Variants in HERC1 observed in about 807,000 individuals in gnomAD.
The protein encoded by HERC1 is HECT and RLD domain containing E3 ubiquitin protein ligase family member 1, also known as probable E3 ubiquitin-protein ligase HERC1.
In HERC1, 160 loss-of-function variants were observed where a neutral mutation model predicts 554.3. The ratio of observed to expected loss-of-function variants is 0.29; its 90% CI spans 0.25 to 0.33. The LOEUF is 0.33. Among genes scored for constraint, HERC1 ranks in the 10% least tolerant of loss-of-function variants. HERC1 has a pLI of 1.00. For synonymous variants in HERC1, 2,175 were observed against 2,131.7 expected (o/e 1.02, Z -0.56); for missense variants, 4,919 against 5,918.5 (o/e 0.83, Z 5.54).
chr15:63,638,385 T>G (rs777841344), intron 63 of HERC1, 26 bp downstream of exon 63: 2 of 1,603,022 alleles, frequency 1.2e-6, no homozygotes, highest in Non-Finnish European at 1.7e-6. Context: ...CCATGTTTCT[T>G]TTCTATTTTT....
rs114042446 is a variant in HERC1 at position 63,650,471 on chromosome 15, A to G, written c.10547-546T>C. ...CTGTGTTGCCCAGGTTGGAGTGAGT[A>G]CAATGGCATGATCATGGCTCACTGA... On this transcript the variant is annotated intron_variant, in intron 53 of 77. Transcript: ENST00000443617. Among the ~76,000 whole-genome samples, 709 of 151,554 alleles carry G rather than the reference A, an allele frequency of 4.7e-3. 10 individuals are homozygous for G. The highest frequency in any genetic ancestry group is 0.017 in the African/African-American group (681 of 41,212).
At position 63,749,303 on chromosome 15, in the gene HERC1, T is replaced by C. The variant is rs145286544; in HGVS notation, c.2219+64A>G. Reference sequence around the variant, plus strand: ...ACAATTATTTCTGTTTTTATTAGTGTTTCTACTTTTTATTGGTGTTTATGT... The same window carrying C: ...ACAATTATTTCTGTTTTTATTAGTGCTTCTACTTTTTATTGGTGTTTATGT... On this transcript the variant is annotated intron_variant, in intron 10 of 77. Transcript: ENST00000443617. The surrounding 1 kb of genome is among the most constrained non-coding windows in gnomAD (Gnocchi z 4.1). 3.6e-4 allele frequency: 448 copies of C among 1,241,364 alleles called. No homozygotes were observed. In the African/African-American group the frequency reaches 6.1e-3, roughly 17 times the overall value. 76.9% of individuals were successfully genotyped at this position (1,241,364 alleles called of 1,614,324 possible).
chr15:63,652,822 T>TC (rs2069770643), intron 51 of HERC1, among the ~76,000 whole-genome samples: 1 of 152,116 alleles, frequency 6.6e-6, no homozygotes, highest in Non-Finnish European at 1.5e-5. Flanking sequence ...GGATAATTTT[T>TC]GTATTTTTAG....
chr15:63,809,627 C>A (rs1464215830), intron 1 of HERC1, among the ~76,000 whole-genome samples: 1 of 151,968 alleles, frequency 6.6e-6, no homozygotes, highest in Non-Finnish European at 1.5e-5. Context: ...AAAAGAGGAA[C>A]AATATATTGA....
intron 37 of HERC1, among the ~76,000 whole-genome samples, chr15:63,675,739 T>C (rs1213957464): frequency 6.6e-6 from 1 of 152,192 alleles, no homozygotes; most frequent in East Asian, 1.9e-4. Context: ...TCCTGAAGTT[T>C]AAGAATGATA....
chr15:63,749,359 A>C lies in HERC1; in HGVS notation c.2219+8T>G, dbSNP rs570865770. ...CACACAAGAATTTTTAAACATAGGC[A>C]CTCTTACCTGTCCCTAGGAAGAGCA... On this transcript the variant is annotated splice_region_variant and intron_variant, in intron 10 of 77. Coordinates refer to ENST00000443617, the MANE Select transcript of HERC1 (RefSeq NM_003922.4). The surrounding 1 kb of genome is among the most constrained non-coding windows in gnomAD (Gnocchi z 4.1). 4 of 1,574,504 alleles carry C rather than the reference A, an allele frequency of 2.5e-6. No individual in the cohort carries two copies. The African/African-American group carries it at 5.5e-5, about 22-fold the overall frequency.
chr15:63,726,281 C>T (rs913984067), intron 17 of HERC1, among the ~76,000 whole-genome samples: 5 of 152,168 alleles, frequency 3.3e-5, no homozygotes, highest in African/African-American at 9.7e-5. Flanking sequence ...CATGCCGGGC[C>T]CAGATCCATG....
At chr15:63,806,396 C>G (rs1251374532) in intron 1 of HERC1, among the ~76,000 whole-genome samples, 1 of 152,200 alleles carries the variant, frequency 6.6e-6, no homozygotes, top group Non-Finnish European at 1.5e-5. Context: ...TCACCCTACG[C>G]TCACCAACAC....
chr15:63,689,462 A>C (rs2071979118), intron 33 of HERC1, 127 bp downstream of exon 33: 6 of 585,672 alleles, frequency 1.0e-5, no homozygotes, highest in Non-Finnish European at 1.8e-5. Flanking sequence ...AAAGGGAGAC[A>C]GAATGCCAAG....
At position 63,612,551 on chromosome 15, in the gene HERC1, A is replaced by G. The variant is rs774921258; in HGVS notation, c.14100T>C (p.Ala4700=). The G allele has an allele frequency of 2.4e-5, 39 of 1,612,588 alleles. No individual in the cohort carries two copies. Among genetic ancestry groups the G allele is most frequent in the Non-Finnish European group, 2.9e-5 (34 of 1,178,990 alleles). ...YRLHEMDRQV[A]AVREGMSWIV... is the part of the protein sequence containing the mutation. Reference sequence around the variant, plus strand: ...TCCAGGACATCCCTTCTCGGACTGCAGCCACCTGCTCCCGGGAGAGGTTGC... The same window carrying G: ...TCCAGGACATCCCTTCTCGGACTGCGGCCACCTGCTCCCGGGAGAGGTTGC... The change falls in exon 77 of 78, where the codon GCT becomes GCC. Residue 4700 remains alanine (A), a synonymous_variant. Coordinates refer to ENST00000443617, the MANE Select transcript of HERC1 (RefSeq NM_003922.4). The surrounding 1 kb of genome is among the most constrained non-coding windows in gnomAD (Gnocchi z 5.0).
Position 63,698,993 on chromosome 15 carries a change from G to A in HERC1, c.4640C>T (p.Pro1547Leu). ...DLAASHRKRG[P>L]MHSQLESLSD... Reference sequence around the variant, plus strand: ...CAGGGATTCCAATTGACTGTGCATAGGACCTATATACAAACAGAATAAACA... The same window carrying A: ...CAGGGATTCCAATTGACTGTGCATAAGACCTATATACAAACAGAATAAACA... The change falls in exon 26 of 78, where the codon CCT becomes CTT. Residue 1547 changes from proline to leucine, a missense_variant. Physicochemically the swap from Pro to Leu is moderately conservative, Grantham distance 98. This residue lies in a region of HERC1 where 1,121 missense variants were observed against 1,244.0 expected (regional missense o/e 0.90). Transcript: ENST00000443617. 1 of 1,609,414 alleles carries A rather than the reference G, an allele frequency of 6.2e-7. No individual in the cohort carries two copies. The highest frequency in any genetic ancestry group is 2.2e-5 in the East Asian group (1 of 44,790).
intron 66 of HERC1, among the ~76,000 whole-genome samples, 193 bp from the exon 67 acceptor site, chr15:63,634,163 CT>C (rs1275638630): frequency 6.6e-6 from 1 of 152,164 alleles, no homozygotes; most frequent in Non-Finnish European, 1.5e-5. Flanking sequence ...CCATATATAA[CT>C]TTTTTCTTCA....
chr15:63,716,731 C>G (rs2073573353), intron 21 of HERC1, among the ~76,000 whole-genome samples: 1 of 152,060 alleles, frequency 6.6e-6, no homozygotes, highest in South Asian at 2.1e-4. Flanking sequence ...TTATTCATAT[C>G]TATATTGCTA....
intron 74 of HERC1, among the ~76,000 whole-genome samples, chr15:63,621,611 C>CCAGT (rs528852131): frequency 0.16 from 23,785 of 151,614 alleles, 2,168 homozygotes; most frequent in Middle Eastern, 0.21. Flanking sequence ...TTCCATTCTC[C>CCAGT]CACTTTCAGG....
intron 71 of HERC1, among the ~76,000 whole-genome samples, chr15:63,624,595 T>A (rs759782772): frequency 2.0e-5 from 3 of 152,168 alleles, no homozygotes; most frequent in Non-Finnish European, 4.4e-5. Context: ...CTCAGGAGGC[T>A]GAGGTGGGTG....
chr15:63,688,286 C>T (rs1341549738), intron 33 of HERC1, among the ~76,000 whole-genome samples: 1 of 152,140 alleles, frequency 6.6e-6, no homozygotes, highest in South Asian at 2.1e-4. Context: ...ATCAAGATGA[C>T]TCCTAGGTTT....
intron 65 of HERC1, 106 bp downstream of exon 65, chr15:63,635,855 T>G: frequency 1.7e-6 from 2 of 1,154,556 alleles, no homozygotes; most frequent in South Asian, 1.5e-5. Flanking sequence ...TTATAATTAC[T>G]GTGTAATATA....
intron 1 of HERC1, among the ~76,000 whole-genome samples, chr15:63,818,750 T>C (rs909627629): frequency 6.6e-6 from 1 of 152,218 alleles, no homozygotes; most frequent in Non-Finnish European, 1.5e-5. Context: ...TAAACTTTTA[T>C]CAACATTTCA....
At chr15:63,722,824 C>T (rs867977258) in intron 19 of HERC1, among the ~76,000 whole-genome samples, 3 of 152,048 alleles carry the variant, frequency 2.0e-5, no homozygotes, top group Non-Finnish European at 4.4e-5. Flanking sequence ...CAGGAAAAAA[C>T]GTAATGTATA....
Sources: allele counts gnomAD v4.1 joint callset (sites outside exome capture counted in the v4.1 genomes callset), GRCh38; gene constraint gnomAD v4.1.1; regional missense constraint gnomAD v4.1.1; non-coding constraint Gnocchi (gnomAD v3.1); transcripts MANE v1.5; gene names NCBI Gene and HGNC (gene_info 2026-07-23, HGNC 2026-07-21).